Variants in CDC42BPA observed in about 807,000 individuals in gnomAD.
The protein encoded by CDC42BPA is serine/threonine-protein kinase MRCK alpha.
Under a neutral mutation model 223.5 loss-of-function variants are expected in CDC42BPA, and 80 were observed. That is an observed-to-expected ratio of 0.36 (90% confidence interval 0.30 to 0.43). The LOEUF (loss-of-function observed/expected upper bound fraction) is 0.43. Ranked by LOEUF, CDC42BPA falls within the 20% of genes least tolerant of loss-of-function variation. The probability of loss-of-function intolerance (pLI) is 1.00; values close to 1 mark genes in which losing one functional copy is unlikely to be tolerated. For synonymous variants in CDC42BPA, 694 were observed against 718.6 expected, an observed-to-expected ratio of 0.97 and a Z score of 0.55; for missense variants, 1,743 against 2,099.9, an observed-to-expected ratio of 0.83 and a Z score of 3.32.
intron 6 of CDC42BPA, among the ~76,000 whole-genome samples, chr1:227,151,397 A>G (rs1011526325): frequency 1.3e-5 from 2 of 152,142 alleles, no homozygotes; most frequent in African/African-American, 4.8e-5. Flanking sequence ...TTATCCATTC[A>G]TCTGTCACCC....
At chr1:227,297,508 A>T (rs1424733419) in intron 1 of CDC42BPA, among the ~76,000 whole-genome samples, 2 of 152,226 alleles carry the variant, frequency 1.3e-5, no homozygotes, top group Non-Finnish European at 2.9e-5. Context: ...AGCATTATTC[A>T]TAATAACCAA....
intron 1 of CDC42BPA, among the ~76,000 whole-genome samples, chr1:227,282,311 T>C (rs1688148374): frequency 6.6e-6 from 1 of 152,198 alleles, no homozygotes; most frequent in Admixed American, 6.5e-5. Flanking sequence ...ATTTTATGGT[T>C]CCTATTCAGT....
At chr1:227,077,347 C>CT (rs1248441245) in intron 17 of CDC42BPA, among the ~76,000 whole-genome samples, 1 of 152,094 alleles carries the variant, frequency 6.6e-6, no homozygotes, top group African/African-American at 2.4e-5. Flanking sequence ...CCAGAACACT[C>CT]TTATGTTTTA....
At chr1:227,253,240 A>AAGAGAGCGAGAG (rs748822660) in intron 2 of CDC42BPA, among the ~76,000 whole-genome samples, 47,801 of 143,030 alleles carry the variant, frequency 0.33, 7,753 homozygotes, top group South Asian at 0.41. Context: ...GAGAGAGAGA[A>AAGAGAGCGAGAG]AGAGAGCGAG....
chr1:227,308,017 G>T (rs1484114824), intron 1 of CDC42BPA, among the ~76,000 whole-genome samples: 11 of 152,090 alleles, frequency 7.2e-5, no homozygotes, highest in Non-Finnish European at 1.6e-4. Flanking sequence ...AGCTTATCCT[G>T]TAAGATTTTT....
At chr1:227,253,863 C>T (rs1329764469) in intron 2 of CDC42BPA, among the ~76,000 whole-genome samples, 1 of 151,990 alleles carries the variant, frequency 6.6e-6, no homozygotes, top group Non-Finnish European at 1.5e-5. Context: ...AGAAAAAATT[C>T]CCAGTAGAAA....
intron 1 of CDC42BPA, among the ~76,000 whole-genome samples, chr1:227,258,414 T>TG (rs1320609882): frequency 1.3e-5 from 2 of 150,998 alleles, no homozygotes; most frequent in Non-Finnish European, 2.9e-5. Flanking sequence ...TATTCTAATT[T>TG]GGGGTAAATA....
intron 8 of CDC42BPA, among the ~76,000 whole-genome samples, chr1:227,144,106 T>G (rs1246552255): frequency 1.3e-5 from 2 of 152,238 alleles, no homozygotes; most frequent in African/African-American, 4.8e-5. Flanking sequence ...CTTATTGTAT[T>G]GAAATAGTAT....
At chr1:227,230,237 C>G (rs953607881) in intron 2 of CDC42BPA, among the ~76,000 whole-genome samples, 2 of 152,244 alleles carry the variant, frequency 1.3e-5, no homozygotes, top group Admixed American at 1.3e-4. Flanking sequence ...CTTATACCTT[C>G]AAACAGATAA....
intron 2 of CDC42BPA, among the ~76,000 whole-genome samples, chr1:227,218,239 CATCT>C (rs10550606): frequency 0.056 from 8,544 of 152,138 alleles, 778 homozygotes; most frequent in African/African-American, 0.19. Context: ...ATTTATTAAA[CATCT>C]ATCAGCTTAT....
intron 23 of CDC42BPA, among the ~76,000 whole-genome samples, chr1:227,047,039 T>G (rs757609654): frequency 6.6e-6 from 1 of 152,152 alleles, no homozygotes; most frequent in Non-Finnish European, 1.5e-5. Flanking sequence ...AGTGTTTTCT[T>G]TTGGTTGGGT....
At chr1:227,114,642 G>C (rs1238839852) in intron 12 of CDC42BPA, among the ~76,000 whole-genome samples, 3 of 152,010 alleles carry the variant, frequency 2.0e-5, no homozygotes, top group African/African-American at 7.2e-5. Flanking sequence ...GCTGTAAAGA[G>C]GTAATACAGC....
intron 1 of CDC42BPA, among the ~76,000 whole-genome samples, chr1:227,274,675 C>A (rs962960987): frequency 6.6e-6 from 1 of 151,806 alleles, no homozygotes; most frequent in Non-Finnish European, 1.5e-5. Flanking sequence ...ATGCTGTTTC[C>A]AAAAACTATC....
chr1:226,999,814 C>T (rs1662399935), intron 35 of CDC42BPA, among the ~76,000 whole-genome samples: 1 of 151,880 alleles, frequency 6.6e-6, no homozygotes, highest in African/African-American at 2.4e-5. Context: ...ATGGATGAAG[C>T]TGGAAACAAT....
At chr1:227,185,233 C>T (rs1322217293) in intron 5 of CDC42BPA, among the ~76,000 whole-genome samples, 1 of 151,564 alleles carries the variant, frequency 6.6e-6, no homozygotes, top group African/African-American at 2.4e-5. Context: ...ATTTTAGGCA[C>T]ATAGGAAAAA....
intron 2 of CDC42BPA, chr1:227,235,375 A>G (rs1008202186): frequency 2.6e-5 from 4 of 152,232 alleles, no homozygotes; most frequent in African/African-American, 9.6e-5. Flanking sequence ...TAGTCTGTCC[A>G]GCCAGTCCTG....
At chr1:227,142,081 G>C (rs1228068280) in intron 9 of CDC42BPA, among the ~76,000 whole-genome samples, 1 of 152,230 alleles carries the variant, frequency 6.6e-6, no homozygotes, top group East Asian at 1.9e-4. Context: ...TGGTAATCAT[G>C]AATTTAAAGT....
chr1:227,231,067 T>C (rs1206374294), intron 2 of CDC42BPA, among the ~76,000 whole-genome samples: 4 of 151,950 alleles, frequency 2.6e-5, no homozygotes, highest in Admixed American at 1.3e-4. Flanking sequence ...ACATGTGCCA[T>C]GTTGATGTGC....
chr1:227,142,293 T>TAAGTG (rs1159640133), intron 9 of CDC42BPA, among the ~76,000 whole-genome samples: 2 of 152,148 alleles, frequency 1.3e-5, no homozygotes, highest in African/African-American at 4.8e-5. Context: ...ATAGGGAATA[T>TAAGTG]AAGTGAAGTG....
Sources: allele counts gnomAD v4.1 joint callset (sites outside exome capture counted in the v4.1 genomes callset), GRCh38; gene constraint gnomAD v4.1.1; transcripts MANE v1.5; gene names NCBI Gene and HGNC (gene_info 2026-07-23, HGNC 2026-07-21).